Variants in IKZF1 observed in about 807,000 individuals in gnomAD.
The protein encoded by IKZF1 is IKAROS family zinc finger 1, also known as DNA-binding protein Ikaros.
A neutral mutation model predicts 51.7 loss-of-function variants in IKZF1; 10 were observed. That is an observed-to-expected ratio of 0.19 (90% CI 0.12 to 0.33). The LOEUF is 0.33. IKZF1 is among the 10% of genes least tolerant of loss of function. The pLI is 1.00. For missense variants in IKZF1, 484 were observed against 707.5 expected, an observed-to-expected ratio of 0.68 and a Z score of 3.58; for synonymous variants, 280 against 282.3, an observed-to-expected ratio of 0.99 and a Z score of 0.08.
chr7:50,333,206 C>T (rs1380150000), intron 3 of IKZF1, among the ~76,000 whole-genome samples: 1 of 151,866 alleles, frequency 6.6e-6, no homozygotes, highest in Non-Finnish European at 1.5e-5. Context: ...TTTCTTTACT[C>T]AGCCATGAGT....
rs1038192693 is a variant in IKZF1, at chr7:50,337,087, T to C, written c.160+9330T>C. ...GTTTCCCACAAGCGGCTCGGTAGGA[T>C]TGGGGCAAAACCAACCATGTGAGAG... is the stretch of plus-strand genomic sequence containing the variant. On this transcript the variant is annotated intron_variant, in intron 3 of 7. Transcript: ENST00000331340. Among the ~76,000 whole-genome samples the C allele has an allele frequency of 1.2e-3, 189 of 151,838 alleles. 1 individual carries two copies. Among genetic ancestry groups the C allele is most frequent in the African/African-American group, 4.1e-3 (170 of 41,346 alleles).
intron 3 of IKZF1, among the ~76,000 whole-genome samples, chr7:50,345,951 T>C (rs1013125438): frequency 2.0e-5 from 3 of 152,222 alleles, no homozygotes; most frequent in African/African-American, 7.2e-5. Flanking sequence ...GTTAAAATAC[T>C]TCATGAAAAT....
At chr7:50,357,558 G>A (rs923372304) in intron 3 of IKZF1, among the ~76,000 whole-genome samples, 11 of 152,172 alleles carry the variant, frequency 7.2e-5, no homozygotes, top group South Asian at 2.1e-4. Context: ...ACCGTGGCAC[G>A]TGAGTTTCGG....
At chr7:50,319,810 C>G (rs1176106047) in intron 2 of IKZF1, among the ~76,000 whole-genome samples, 2 of 152,346 alleles carry the variant, frequency 1.3e-5, no homozygotes, top group African/African-American at 4.8e-5. Context: ...CTCACAGACT[C>G]ACAGCCAGCC....
intron 1 of IKZF1, among the ~76,000 whole-genome samples, chr7:50,316,550 C>G (rs984284819): frequency 3.9e-5 from 6 of 152,242 alleles, no homozygotes; most frequent in African/African-American, 1.2e-4. Flanking sequence ...GTGGTGTGAT[C>G]TGCTGCCCAC....
At position 50,400,175 on chromosome 7, in the gene IKZF1, G is replaced by T; in HGVS notation, c.1108G>T (p.Val370Leu). The stretch of plus-strand genomic sequence containing the variant: ...CAACCACTCGGCCCAGGACAGCGCC[G>T]TGGAGAACCTGCTGCTGCTCTCCAA... ...RSNHSAQDSA[V>L]ENLLLLSKAK... The change falls in exon 8 of 8, where the codon GTG becomes TTG. Residue 370 changes from valine to leucine, a missense_variant. By Grantham distance (32) the Val-to-Leu change is conservative. Transcript: ENST00000331340. The surrounding 1 kb of genome is among the most constrained non-coding windows in gnomAD (Gnocchi z 5.4). 2 of 1,566,560 alleles carry T rather than the reference G, an allele frequency of 1.3e-6. No individual in the cohort carries two copies. The highest frequency in any genetic ancestry group is 1.2e-5 in the South Asian group (1 of 85,806).
intron 5 of IKZF1, among the ~76,000 whole-genome samples, chr7:50,384,250 G>T (rs768361036): frequency 1.3e-4 from 20 of 152,248 alleles, no homozygotes; most frequent in Non-Finnish European, 2.4e-4. Context: ...CTCCTGGCAG[G>T]TGGTCCCTGC....
At position 50,376,355 on chromosome 7, in the gene IKZF1, G is replaced by A. The variant is rs1810286697; in HGVS notation, c.161-178G>A. Among the ~76,000 whole-genome samples the A allele has an allele frequency of 6.6e-6, 1 of 152,218 alleles. No individual in the cohort carries two copies. The highest frequency in any genetic ancestry group is 2.4e-5 in the African/African-American group (1 of 41,454). ...CAGGTGCATCCCGAGGCCTGCCACC[G>A]AAGCCCACTCAAGGCTGAATGCACG... is the stretch of plus-strand genomic sequence containing the variant. On this transcript the variant is annotated intron_variant, in intron 3 of 7. Transcript: ENST00000331340. The surrounding 1 kb of genome is among the most constrained non-coding windows in gnomAD (Gnocchi z 4.5).
rs752909152 is a variant in IKZF1 at position 50,400,143 on chromosome 7, C to A, written c.1076C>A (p.Pro359Gln). 2 of 1,561,640 alleles carry A rather than the reference C, an allele frequency of 1.3e-6. No individual in the cohort carries two copies. Among genetic ancestry groups the A allele is most frequent in the Non-Finnish European group, 8.7e-7 (1 of 1,154,650 alleles). Residue 359 changes from proline (P) to glutamine (Q), a missense_variant, in exon 8 of 8, where the codon CCG (proline) becomes CAG (glutamine). This residue lies in a region of IKZF1 where 172 missense variants were observed against 192.7 expected (regional missense o/e 0.89). Transcript: ENST00000331340. The surrounding 1 kb of genome is among the most constrained non-coding windows in gnomAD (Gnocchi z 5.4). The part of the protein sequence containing the change: ...QLHKPLAEGT[P>Q]RSNHSAQDSA... ...CACAAGCCGCTCGCGGAGGGCACCCCGCGCTCCAACCACTCGGCCCAGGAC... is the reference window on the plus strand; with the variant it reads ...CACAAGCCGCTCGCGGAGGGCACCCAGCGCTCCAACCACTCGGCCCAGGAC...
chr7:50,400,811 A>AT lies in IKZF1; in HGVS notation c.*189dup, dbSNP rs1562916501. The stretch of plus-strand genomic sequence containing the variant: ...TGGGGTTTGATTTGCTTTTGAAAAG[A>AT]TTTTTATTTTTAGAGGCAGGGCTGC... On this transcript the variant is annotated 3_prime_UTR_variant, in exon 8 of 8. Coordinates refer to ENST00000331340, the MANE Select transcript of IKZF1 (RefSeq NM_006060.6). This position sits in a 1 kb window ranked among gnomAD's most constrained non-coding sequence, Gnocchi z 5.4. The AT allele has an allele frequency of 2.6e-6, 2 of 772,756 alleles. No homozygotes were observed. The highest frequency in any genetic ancestry group is 4.0e-6 in the Non-Finnish European group (2 of 497,684). 47.9% of individuals were successfully genotyped at this position (772,756 alleles called of 1,614,324 possible).
At chr7:50,374,732 C>A (rs901679942) in intron 3 of IKZF1, among the ~76,000 whole-genome samples, 1 of 152,166 alleles carries the variant, frequency 6.6e-6, no homozygotes, top group Admixed American at 6.5e-5. Flanking sequence ...ATAATAATTT[C>A]CATTTTCATG....
chr7:50,305,276 G>A (rs1478676595), intron 1 of IKZF1, among the ~76,000 whole-genome samples: 4 of 152,094 alleles, frequency 2.6e-5, no homozygotes, highest in African/African-American at 9.7e-5. Flanking sequence ...TATTTGAGCC[G>A]GGAGCTTTCT....
chr7:50,325,810 A>G (rs1467173413), intron 2 of IKZF1, among the ~76,000 whole-genome samples: 1 of 152,188 alleles, frequency 6.6e-6, no homozygotes, highest in African/African-American at 2.4e-5. Context: ...AGCAGTGAAA[A>G]TAGTAGTGAC....
At chr7:50,359,616 T>C (rs1308176031) in intron 3 of IKZF1, among the ~76,000 whole-genome samples, 1 of 152,272 alleles carries the variant, frequency 6.6e-6, no homozygotes, top group African/African-American at 2.4e-5. Context: ...GAAAGGGCGA[T>C]CTCTGTGTGT....
At chr7:50,308,135 A>G (rs1044489753) in intron 1 of IKZF1, among the ~76,000 whole-genome samples, 1 of 152,208 alleles carries the variant, frequency 6.6e-6, no homozygotes, top group African/African-American at 2.4e-5. Context: ...TTAAGACATT[A>G]TGAAACCTTA....
chr7:50,314,160 G>C (rs2153348792), intron 1 of IKZF1, among the ~76,000 whole-genome samples: 1 of 152,242 alleles, frequency 6.6e-6, no homozygotes, highest in South Asian at 2.1e-4. Flanking sequence ...GCCCAGGCTG[G>C]AGTGCAGTGG....
chr7:50,374,957 T>G (rs1809792616), intron 3 of IKZF1, among the ~76,000 whole-genome samples: 1 of 152,086 alleles, frequency 6.6e-6, no homozygotes, highest in African/African-American at 2.4e-5. Flanking sequence ...CAGTGTACAT[T>G]AGAATCTTCT....
At chr7:50,329,741 AG>A (rs1796016691) in intron 3 of IKZF1, among the ~76,000 whole-genome samples, 1 of 152,348 alleles carries the variant, frequency 6.6e-6, no homozygotes, top group South Asian at 2.1e-4. Context: ...ACAGAGGCTC[AG>A]GGACTGAACC....
At chr7:50,335,316 G>C (rs1442599314) in intron 3 of IKZF1, among the ~76,000 whole-genome samples, 1 of 150,158 alleles carries the variant, frequency 6.7e-6, no homozygotes, top group African/African-American at 2.5e-5. Flanking sequence ...TGTGTGGTAT[G>C]TGGTGTGTAT....
Sources: gnomAD v4.1 joint callset for allele counts (sites outside exome capture counted in the v4.1 genomes callset) on GRCh38, gnomAD v4.1.1 for gene constraint, gnomAD v4.1.1 regional missense constraint, Gnocchi (gnomAD v3.1) non-coding constraint, MANE v1.5 for transcripts, NCBI Gene and HGNC (gene_info 2026-07-23, HGNC 2026-07-21) for gene names.